CCDC141: variants seen among roughly 807,000 people sequenced by gnomAD.
The protein encoded by CCDC141 is coiled-coil domain containing 141, also known as coiled-coil domain-containing protein 141.
CCDC141 carries 168 observed loss-of-function variants against 181.0 expected under a neutral mutation model. The observed-to-expected ratio is 0.93, with a 90% CI of 0.82 to 1.05. CCDC141 has a LOEUF of 1.05. Ranked by LOEUF, CCDC141 falls within the 50% of genes least tolerant of loss-of-function variation. The pLI, the probability that CCDC141 is intolerant of heterozygous loss-of-function variation, is 0.00. For missense variants in CCDC141, 1,902 were observed against 1,788.5 expected (o/e 1.06, Z -1.14); for synonymous variants, 666 against 642.3 (o/e 1.04, Z -0.56).
At chr2:178,822,950 G>A in the CCDC141 span, among the ~76,000 whole-genome samples, 3 of 152,108 alleles carry the variant, frequency 2.0e-5, no homozygotes, top group Non-Finnish European at 4.4e-5. Context: ...TGTATATGGA[G>A]TCTGTTTGAG....
rs1254512369 is a variant in CCDC141 at position 178,882,678 on chromosome 2, C to T, written c.1719+2223G>A. Among the ~76,000 whole-genome samples the T allele has an allele frequency of 3.9e-5, 6 of 151,952 alleles. No individual in the cohort carries two copies. The East Asian group carries it at 1.2e-3, about 29-fold the overall frequency. ...CTTGAGAATTGCTACCAAATGGGAG[C>T]CAACTAGGGAGCATATGGGAGACCT... is the stretch of plus-strand genomic sequence containing the variant. On this transcript the variant is annotated intron_variant, in intron 11 of 23. Transcript: ENST00000443758.
At chr2:178,920,958 A>G (rs1558982027) in intron 6 of CCDC141, among the ~76,000 whole-genome samples, 1 of 152,136 alleles carries the variant, frequency 6.6e-6, no homozygotes, top group Non-Finnish European at 1.5e-5. Flanking sequence ...CTTAAATTAG[A>G]TATTATTATT....
intron 2 of CCDC141, among the ~76,000 whole-genome samples, chr2:179,000,360 C>T (rs1340599989): frequency 6.6e-6 from 1 of 152,102 alleles, no homozygotes; most frequent in Non-Finnish European, 1.5e-5. Flanking sequence ...TATCACAATA[C>T]AACAGCCTAG....
intron 9 of CCDC141, among the ~76,000 whole-genome samples, chr2:178,888,014 G>A (rs1307837919): frequency 1.3e-5 from 2 of 152,184 alleles, no homozygotes; most frequent in Non-Finnish European, 2.9e-5. Context: ...ATTTTCACAT[G>A]TATGTTTATA....
At position 178,853,520 on chromosome 2, in the gene CCDC141, A is replaced by C. The variant is rs1561636954; in HGVS notation, c.3165T>G (p.Phe1055Leu). ...GCACTGAGGGTGCAATAAACTTATT[A>C]AACTGCTGGTGGAGAATTTTCACAG... ...KEAVKILHQQFNKFIAPSVPQ... is the reference protein window; with the variant it reads ...KEAVKILHQQLNKFIAPSVPQ... The change falls in exon 20 of 24, where the codon TTT becomes TTG. Residue 1055 changes from phenylalanine to leucine, a missense_variant. Phe to Leu is a conservative substitution (Grantham distance 22). Transcript: ENST00000443758. 2 of 1,614,148 alleles carry C rather than the reference A, an allele frequency of 1.2e-6. No homozygotes were observed. The highest frequency in any genetic ancestry group is 1.7e-6 in the Non-Finnish European group (2 of 1,179,988).
At chr2:178,999,753 C>T (rs2041900110) in intron 2 of CCDC141, among the ~76,000 whole-genome samples, 1 of 151,826 alleles carries the variant, frequency 6.6e-6, no homozygotes, top group African/African-American at 2.4e-5. Flanking sequence ...TGGCCTCTCA[C>T]TCTCCTCTCT....
chr2:178,870,231 C>CAAAAAAAAAAAA (rs34625707), intron 14 of CCDC141, among the ~76,000 whole-genome samples: 3 of 60,292 alleles, frequency 5.0e-5, no homozygotes, highest in Non-Finnish European at 9.5e-5. Flanking sequence ...GACTCTGTCT[C>CAAAAAAAAAAAA]AAAAAAAAAA....
chr2:178,862,061 G>A (rs1685643661), intron 17 of CCDC141, among the ~76,000 whole-genome samples: 1 of 152,092 alleles, frequency 6.6e-6, no homozygotes, highest in South Asian at 2.1e-4. Flanking sequence ...TGTGTCTATA[G>A]CAACACTATT....
intron 1 of CCDC141, among the ~76,000 whole-genome samples, chr2:179,048,536 T>C (rs2043574603): frequency 6.6e-6 from 1 of 151,912 alleles, no homozygotes; most frequent in African/African-American, 2.4e-5. Context: ...TCCAAGAATG[T>C]TCATATTTGA....
In CCDC141 at chr2:179,028,385, A is replaced by G. The variant is rs907987570; in HGVS notation, c.225+18899T>C. ...TACTAACAAAAGCTTCGCAGTCAGC[A>G]TCTTCCATTTGCTTCAGTGGAACAA... On this transcript the variant is annotated intron_variant, in intron 2 of 23. Transcript: ENST00000443758. Among the ~76,000 whole-genome samples, 3 of 152,242 alleles carry G rather than the reference A, an allele frequency of 2.0e-5. No individual in the cohort carries two copies. In the East Asian group the frequency reaches 5.8e-4, roughly 29 times the overall value.
At chr2:179,021,416 G>A (rs150926546) in intron 2 of CCDC141, among the ~76,000 whole-genome samples, 1 of 152,276 alleles carries the variant, frequency 6.6e-6, no homozygotes, top group East Asian at 1.9e-4. Context: ...CTAGTATTCT[G>A]ATTGGCTTCA....
rs192543608 is a variant in CCDC141, at chr2:179,009,451, G to T, written c.226-30776C>A. ...TGTTCAGATTCTTTTATCCCATGGGGTGTTCCCTTTTCCTATGTATTCTTC... is the reference window on the plus strand; with the variant it reads ...TGTTCAGATTCTTTTATCCCATGGGTTGTTCCCTTTTCCTATGTATTCTTC... On this transcript the variant is annotated intron_variant, in intron 2 of 23. Transcript: ENST00000443758. Among the ~76,000 whole-genome samples, 254 of 152,176 alleles carry T rather than the reference G, an allele frequency of 1.7e-3. 1 individual carries two copies. Among genetic ancestry groups the T allele is most frequent in the African/African-American group, 5.8e-3 (240 of 41,544 alleles).
chr2:178,984,597 CTCAAAATAAAAGGATGGAGGAAGA>C (rs1409067106), intron 2 of CCDC141, among the ~76,000 whole-genome samples: 2 of 149,206 alleles, frequency 1.3e-5, no homozygotes, highest in African/African-American at 4.9e-5. Flanking sequence ...CACACATAGG[CTCAAAATAAAAGGATGGAGGAAGA>C]TCTACCAAGC....
intron 2 of CCDC141, among the ~76,000 whole-genome samples, chr2:179,019,148 A>T (rs533730426): frequency 6.6e-6 from 1 of 152,176 alleles, no homozygotes; most frequent in South Asian, 2.1e-4. Flanking sequence ...CCAGCAAGCC[A>T]ATATTATATT....
At chr2:178,971,737 A>G (rs979607082) in intron 4 of CCDC141, among the ~76,000 whole-genome samples, 6 of 152,214 alleles carry the variant, frequency 3.9e-5, no homozygotes, top group African/African-American at 1.4e-4. Context: ...ATAGAATACT[A>G]TGCAGCCATA....
rs1236330130 is a variant in CCDC141 at position 178,855,479 on chromosome 2, T to C, written c.2928A>G (p.Pro976=). The C allele has an allele frequency of 5.6e-6, 9 of 1,609,796 alleles. No individual in the cohort carries two copies. Among genetic ancestry groups the C allele is most frequent in the East Asian group, 2.2e-5 (1 of 44,592 alleles). Residue 976 remains proline (P), a synonymous_variant, in exon 19 of 24, where the codon CCA becomes CCG. Transcript: ENST00000443758. ...CCAAAAGGACATTAACTTTATCACT[T>C]GGATAATTTAAGAAAGAATCAGAGG... ...NKTSDSFLNY[P]SDKVNVLLEV... is the part of the protein sequence containing the mutation.
At chr2:179,025,170 CTG>C (rs1425809714) in intron 2 of CCDC141, among the ~76,000 whole-genome samples, 3 of 151,732 alleles carry the variant, frequency 2.0e-5, no homozygotes, top group Non-Finnish European at 2.9e-5. Flanking sequence ...TATAGGTAAA[CTG>C]TGTGTCACAG....
chr2:178,962,680 C>CA (rs1255898787), intron 4 of CCDC141, among the ~76,000 whole-genome samples: 8 of 151,494 alleles, frequency 5.3e-5, no homozygotes, highest in Non-Finnish European at 8.8e-5. Context: ...CTCACACACA[C>CA]ACGCATGCAC....
chr2:178,862,182 TGGAAC>T (rs1252271240), intron 17 of CCDC141, among the ~76,000 whole-genome samples: 14 of 152,360 alleles, frequency 9.2e-5, no homozygotes, highest in Admixed American at 5.9e-4. Context: ...GACCGATACA[TGGAAC>T]ATATATACTA....
Sources: allele counts gnomAD v4.1 joint callset (sites outside exome capture counted in the v4.1 genomes callset), GRCh38; gene constraint gnomAD v4.1.1; transcripts MANE v1.5; gene names NCBI Gene and HGNC (gene_info 2026-07-23, HGNC 2026-07-21).